Variants in TCF7L1 observed in about 807,000 individuals in gnomAD.
The protein encoded by TCF7L1 is transcription factor 7-like 1.
Under a neutral mutation model 63.7 loss-of-function variants are expected in TCF7L1, and 18 were observed. The ratio of observed to expected loss-of-function variants is 0.28; its 90% CI spans 0.20 to 0.42. The LOEUF is 0.42. TCF7L1 is among the 10% of genes least tolerant of loss of function. The pLI, the probability that TCF7L1 is intolerant of heterozygous loss-of-function variation, is 1.00. For synonymous variants in TCF7L1, 355 were observed against 340.9 expected, an observed-to-expected ratio of 1.04 and a Z score of -0.46; for missense variants, 654 against 779.3, an observed-to-expected ratio of 0.84 and a Z score of 1.91.
In TCF7L1 at chr2:85,301,957, C is replaced by G. The variant is rs182556869; in HGVS notation, c.526-527C>G. 4.6e-5 allele frequency among the ~76,000 whole-genome samples: 7 copies of G among 152,226 alleles called. No individual in the cohort carries two copies. In the East Asian group the frequency reaches 1.4e-3, roughly 29 times the overall value. On this transcript the variant is annotated intron_variant, in intron 4 of 11. Transcript: ENST00000282111. ...CCTGGCCCACATGGTGAAACCCTAT[C>G]TGTACTAAAAATACAAAAAAATTAG...
intron 3 of TCF7L1, among the ~76,000 whole-genome samples, chr2:85,177,069 G>A (rs1043232214): frequency 6.6e-6 from 1 of 151,838 alleles, no homozygotes; most frequent in Non-Finnish European, 1.5e-5. Context: ...TATTCTCATA[G>A]TTTGGGAGGA....
intron 7 of TCF7L1, among the ~76,000 whole-genome samples, chr2:85,304,773 C>T (rs991043036): frequency 6.6e-6 from 1 of 152,142 alleles, no homozygotes; most frequent in South Asian, 2.1e-4. Context: ...CGTTTTTGCA[C>T]CATCGTAAAG....
intron 3 of TCF7L1, among the ~76,000 whole-genome samples, chr2:85,170,068 G>C (rs1206768374): frequency 6.6e-6 from 1 of 152,210 alleles, no homozygotes; most frequent in Non-Finnish European, 1.5e-5. Flanking sequence ...AGATAGCCTT[G>C]AAAGATGAAT....
intron 3 of TCF7L1, among the ~76,000 whole-genome samples, chr2:85,187,867 C>G (rs188978259): frequency 4.1e-4 from 62 of 152,252 alleles, no homozygotes; most frequent in Non-Finnish European, 8.2e-4. Context: ...TCAAAATAGC[C>G]TCAATCTGGA....
rs1167747216 is a variant in TCF7L1 at position 85,291,993 on chromosome 2, A to ATT, written c.525+8459_525+8460dup. Among the ~76,000 whole-genome samples, 44 of 13,830 alleles carry ATT rather than the reference A, an allele frequency of 3.2e-3. 4 individuals are homozygous for ATT. Among genetic ancestry groups the ATT allele is most frequent in the East Asian group, 7.1e-3 (1 of 140 alleles). 9.1% of individuals were successfully genotyped at this position (13,830 alleles called of 152,430 possible). A position where few individuals can be genotyped will look rare whatever the true frequency, so the allele number is the denominator to read the frequency against. On this transcript the variant is annotated intron_variant, in intron 4 of 11. Transcript: ENST00000282111. ...AGTGCTGAGTTTACTGGTCATATGT[A>ATT]TTTTTTTTTTTTTTTTTTTTTTTTT...
chr2:85,188,133 G>A (rs572365224), intron 3 of TCF7L1, among the ~76,000 whole-genome samples: 1 of 152,268 alleles, frequency 6.6e-6, no homozygotes, highest in African/African-American at 2.4e-5. Context: ...AGGGATGAGG[G>A]GAATAAGGGA....
chr2:85,192,840 A>AT (rs1432754901), intron 3 of TCF7L1, among the ~76,000 whole-genome samples: 2 of 151,032 alleles, frequency 1.3e-5, no homozygotes, highest in African/African-American at 2.4e-5. Flanking sequence ...TCCTTGGCTA[A>AT]TTTTTTTTAA....
intron 3 of TCF7L1, among the ~76,000 whole-genome samples, chr2:85,147,449 T>C (rs1407991327): frequency 6.6e-6 from 1 of 152,032 alleles, no homozygotes; most frequent in African/African-American, 2.4e-5. Context: ...CAGCACCTCC[T>C]AGATGAGGGC....
chr2:85,259,259 C>T (rs1360117588), intron 3 of TCF7L1, among the ~76,000 whole-genome samples: 2 of 152,212 alleles, frequency 1.3e-5, no homozygotes, highest in Non-Finnish European at 2.9e-5. Flanking sequence ...TGTCAGTAAG[C>T]GCCCCGCCAA....
rs1471276172 is a variant in TCF7L1 at position 85,299,483 on chromosome 2, CA to C, written c.526-3000del. 2.0e-5 allele frequency among the ~76,000 whole-genome samples: 3 copies of C among 146,762 alleles called. No individual in the cohort carries two copies. In the Admixed American group the frequency reaches 2.1e-4, roughly 10 times the overall value. ...AGGAGAATCGCTTGAACCCAGGAGG[CA>C]GAGGTTGCAGTGAACCGAGATCACA... On this transcript the variant is annotated intron_variant, in intron 4 of 11. Coordinates refer to ENST00000282111, the MANE Select transcript of TCF7L1 (RefSeq NM_031283.3).
intron 3 of TCF7L1, among the ~76,000 whole-genome samples, chr2:85,168,338 G>A (rs896295305): frequency 6.6e-6 from 1 of 152,148 alleles, no homozygotes; most frequent in Admixed American, 6.5e-5. Context: ...TATTAAATAT[G>A]TGCAGTTTTT....
intron 3 of TCF7L1, among the ~76,000 whole-genome samples, chr2:85,148,945 A>AT (rs1677944131): frequency 6.6e-6 from 1 of 151,734 alleles, no homozygotes; most frequent in Non-Finnish European, 1.5e-5. Flanking sequence ...CACCCAGCTA[A>AT]TTTTTGTATT....
At chr2:85,282,552 G>A (rs563433045) in intron 3 of TCF7L1, among the ~76,000 whole-genome samples, 6 of 152,296 alleles carry the variant, frequency 3.9e-5, no homozygotes, top group East Asian at 3.9e-4. Context: ...TCCCTAGTCC[G>A]AACAACCTGT....
At chr2:85,234,076 C>T (rs1387581041) in intron 3 of TCF7L1, among the ~76,000 whole-genome samples, 1 of 148,026 alleles carries the variant, frequency 6.8e-6, no homozygotes, top group Non-Finnish European at 1.5e-5. Flanking sequence ...AGGCATTTCA[C>T]TTTTCATCTC....
chr2:85,245,529 C>G (rs1387104260), intron 3 of TCF7L1, among the ~76,000 whole-genome samples: 1 of 151,958 alleles, frequency 6.6e-6, no homozygotes, highest in Non-Finnish European at 1.5e-5. Flanking sequence ...TAAAACAGAC[C>G]GGGCCAGGCA....
intron 3 of TCF7L1, among the ~76,000 whole-genome samples, chr2:85,168,400 G>GTTT (rs1678469918): frequency 6.6e-6 from 1 of 152,174 alleles, no homozygotes; most frequent in African/African-American, 2.4e-5. Context: ...AAAAGAGTAA[G>GTTT]TGTGGGAACA....
chr2:85,301,123 ACTTAT>A (rs150205818), intron 4 of TCF7L1, among the ~76,000 whole-genome samples: 2,038 of 152,220 alleles, frequency 0.013, 14 homozygotes, highest in Middle Eastern at 0.041. Flanking sequence ...CTTGTAACTC[ACTTAT>A]CTTATTATCA....
In TCF7L1 at chr2:85,288,760, A is replaced by G. The variant is rs145230336; in HGVS notation, c.525+5182A>G. On this transcript the variant is annotated intron_variant, in intron 4 of 11. Transcript: ENST00000282111. ...GACTAACAGTAACATTGTATAAGCA[A>G]CTATTTGTAAGATCCGATCAGTGTA... Among the ~76,000 whole-genome samples the G allele has an allele frequency of 2.1e-3, 323 of 152,326 alleles. 2 individuals are homozygous for G. The highest frequency in any genetic ancestry group is 7.5e-3 in the African/African-American group (310 of 41,564).
At position 85,211,681 on chromosome 2, in the gene TCF7L1, G is replaced by T. The variant is rs192210365; in HGVS notation, c.442-71814G>T. ...ACAGCAGGGGAGACCCCACATGGCA[G>T]TGCCTGGTCTGGTCTTTAGAGCAGG... On this transcript the variant is annotated intron_variant, in intron 3 of 11. Coordinates refer to ENST00000282111, the MANE Select transcript of TCF7L1 (RefSeq NM_031283.3). 1.5e-3 allele frequency among the ~76,000 whole-genome samples: 221 copies of T among 152,340 alleles called. 2 individuals carry two copies. The highest frequency in any genetic ancestry group is 2.7e-3 in the Non-Finnish European group (181 of 68,028).
Sources: gnomAD v4.1 joint callset for allele counts (sites outside exome capture counted in the v4.1 genomes callset) on GRCh38, gnomAD v4.1.1 for gene constraint, MANE v1.5 for transcripts, NCBI Gene and HGNC (gene_info 2026-07-23, HGNC 2026-07-21) for gene names.